OR4E2: variants seen among roughly 807,000 people sequenced by gnomAD.
OR4E2 encodes olfactory receptor family 4 subfamily E member 2.
Under a neutral mutation model 11.0 loss-of-function variants are expected in OR4E2, and 9 were observed. The ratio of observed to expected loss-of-function variants is 0.82; its 90% CI spans 0.49 to 1.43. The LOEUF (loss-of-function observed/expected upper bound fraction) is 1.43, where lower values mean the gene tolerates loss of function less well. Among genes scored for constraint, OR4E2 ranks in the 40% most tolerant of loss-of-function variants. The pLI is 0.00. For missense variants in OR4E2, 441 were observed against 382.0 expected (o/e 1.15, Z -1.29); for synonymous variants, 159 against 147.3 (o/e 1.08, Z -0.57).
chr14:21,660,388 CA>C (rs1412467551), intron 2 of OR4E2, among the ~76,000 whole-genome samples: 5 of 152,140 alleles, frequency 3.3e-5, no homozygotes, highest in African/African-American at 1.2e-4. Flanking sequence ...GAAGAGATTC[CA>C]AACAGAGGAA....
intron 2 of OR4E2, among the ~76,000 whole-genome samples, chr14:21,658,487 C>G (rs756929197): frequency 3.9e-5 from 6 of 152,180 alleles, no homozygotes; most frequent in Non-Finnish European, 7.3e-5. Flanking sequence ...CTAAGTAACA[C>G]TTCTCTAAGT....
At chr14:21,663,630 TTGAAATAGTCAAAGACAAAG>T (rs1880460397) in intron 3 of OR4E2, among the ~76,000 whole-genome samples, 1 of 152,184 alleles carries the variant, frequency 6.6e-6, no homozygotes, top group Non-Finnish European at 1.5e-5. Context: ...GTAGTGTTCT[TTGAAATAGTCAAAGACAAAG>T]TGAAGGATGA....
At chr14:21,663,312 T>C (rs1047000435) in intron 3 of OR4E2, among the ~76,000 whole-genome samples, 6 of 152,054 alleles carry the variant, frequency 3.9e-5, no homozygotes, top group Non-Finnish European at 7.4e-5. Flanking sequence ...ACCCCGTCTC[T>C]ACTAAAAATA....
intron 1 of OR4E2, among the ~76,000 whole-genome samples, chr14:21,654,366 GCA>G (rs148674026): frequency 6.0e-5 from 9 of 148,770 alleles, no homozygotes; most frequent in Non-Finnish European, 8.9e-5. Flanking sequence ...ACACATGCAC[GCA>G]CACACACACA....
At chr14:21,654,597 T>C (rs935011274) in intron 1 of OR4E2, among the ~76,000 whole-genome samples, 3 of 152,110 alleles carry the variant, frequency 2.0e-5, no homozygotes, top group Non-Finnish European at 4.4e-5. Context: ...ATATACTAAG[T>C]TGACCCTCCA....
chr14:21,661,764 GT>G (rs1316039673), intron 3 of OR4E2, among the ~76,000 whole-genome samples: 13 of 152,262 alleles, frequency 8.5e-5, no homozygotes, highest in African/African-American at 3.1e-4. Context: ...ACTAAAATGT[GT>G]TTATCTAGTC....
At position 21,665,938 on chromosome 14, in the gene OR4E2, A is replaced by C. The variant is rs769225622; in HGVS notation, c.856A>C (p.Ile286Leu). 5 of 1,613,780 alleles carry C rather than the reference A, an allele frequency of 3.1e-6. No individual in the cohort carries two copies. The highest frequency in any genetic ancestry group is 3.4e-6 in the Non-Finnish European group (4 of 1,179,918). Residue 286 changes from isoleucine (I) to leucine (L), a missense_variant, in exon 4 of 4, where the codon ATT (isoleucine) becomes CTT (leucine). Physicochemically the swap from Ile to Leu is conservative, Grantham distance 5. Transcript: ENST00000641524. ...TVVTPLLNPF[I>L]YTLRNEEVKS... ...GGTCACCCCTTTGCTGAATCCCTTC[A>C]TTTACACCTTGAGGAATGAGGAGGT...
chr14:21,658,830 T>C (rs1413995357), intron 2 of OR4E2, among the ~76,000 whole-genome samples: 3 of 152,004 alleles, frequency 2.0e-5, no homozygotes, highest in Admixed American at 2.0e-4. Flanking sequence ...AAATGAAGAA[T>C]TCTAATATAC....
rs749695927 is a variant in OR4E2 at position 21,665,070 on chromosome 14, CT to C, written c.-8-4del. On this transcript the variant is annotated splice_polypyrimidine_tract_variant and splice_region_variant and intron_variant, in intron 3 of 3. Coordinates refer to ENST00000641524, the MANE Select transcript of OR4E2 (RefSeq NM_001001912.3). ...TAAATTAGCTTTCATTTTTTCCCCC[CT>C]AAGCTCATTGAATGGACAGTCTAAA... The C allele has an allele frequency of 1.2e-5, 18 of 1,497,440 alleles. No homozygotes were observed. The highest frequency in any genetic ancestry group is 9.5e-5 in the South Asian group (8 of 83,902). 92.8% of individuals were successfully genotyped at this position (1,497,440 alleles called of 1,614,324 possible). A position where few individuals can be genotyped will look rare whatever the true frequency, so the allele number is the denominator to read the frequency against.
At chr14:21,658,652 C>T (rs1035981655) in intron 2 of OR4E2, among the ~76,000 whole-genome samples, 1 of 152,044 alleles carries the variant, frequency 6.6e-6, no homozygotes, top group African/African-American at 2.4e-5. Flanking sequence ...TCACTGATCT[C>T]TGGAAAGTCA....
chr14:21,657,470 TC>T (rs1880055373), intron 2 of OR4E2, among the ~76,000 whole-genome samples: 4 of 114,860 alleles, frequency 3.5e-5, no homozygotes, highest in African/African-American at 1.3e-4. Context: ...CTTCCTTCCT[TC>T]CTTCCTTCCT....
chr14:21,660,319 G>A (rs150387828), intron 2 of OR4E2, among the ~76,000 whole-genome samples: 137 of 152,336 alleles, frequency 9.0e-4, no homozygotes, highest in African/African-American at 3.1e-3. Flanking sequence ...CTGCTGTGCA[G>A]CCTGGTACCC....
intron 2 of OR4E2, among the ~76,000 whole-genome samples, chr14:21,659,455 A>C (rs1257678607): frequency 1.3e-5 from 2 of 152,188 alleles, no homozygotes; most frequent in Non-Finnish European, 2.9e-5. Context: ...CAGGGAGTGC[A>C]TAGTTGGATC....
chr14:21,659,914 G>C (rs141284218), intron 2 of OR4E2, among the ~76,000 whole-genome samples: 222 of 151,924 alleles, frequency 1.5e-3, no homozygotes, highest in African/African-American at 5.1e-3. Context: ...AATAAAAAAG[G>C]TAGATCAGGA....
rs117160086 is a variant in OR4E2, at chr14:21,656,848, C to T, written c.-103+259C>T. Reference sequence around the variant, plus strand: ...CACACACAGACAAAACACACATACGCACACCCTCCAGGATTCCTCAAGATG... The same window carrying T: ...CACACACAGACAAAACACACATACGTACACCCTCCAGGATTCCTCAAGATG... On this transcript the variant is annotated intron_variant, in intron 2 of 3. Coordinates refer to ENST00000641524, the MANE Select transcript of OR4E2 (RefSeq NM_001001912.3). Among the ~76,000 whole-genome samples, 1,440 of 152,326 alleles carry T rather than the reference C, an allele frequency of 9.5e-3. 11 individuals are homozygous for T. Among genetic ancestry groups the T allele is most frequent in the Middle Eastern group, 0.024 (7 of 294 alleles).
At chr14:21,663,268 A>G (rs1280105936) in intron 3 of OR4E2, among the ~76,000 whole-genome samples, 1 of 152,146 alleles carries the variant, frequency 6.6e-6, no homozygotes, top group African/African-American at 2.4e-5. Context: ...TCACGAGGTC[A>G]GGAGATTGAG....
chr14:21,666,200 A>G lies in OR4E2; in HGVS notation c.*176A>G. On this transcript the variant is annotated 3_prime_UTR_variant, in exon 4 of 4. Coordinates refer to ENST00000641524, the MANE Select transcript of OR4E2 (RefSeq NM_001001912.3). ...TGTTCATTAAAGATAAGAACTTATT[A>G]ACTATTATTTAAATAAAGCAAAAGA... 1 of 501,424 alleles carries G rather than the reference A, an allele frequency of 2.0e-6. No homozygotes were observed. The highest frequency in any genetic ancestry group is 3.5e-6 in the Non-Finnish European group (1 of 286,318). 31.1% of individuals were successfully genotyped at this position (501,424 alleles called of 1,614,324 possible).
At chr14:21,660,109 C>T (rs1880234880) in intron 2 of OR4E2, among the ~76,000 whole-genome samples, 1 of 151,932 alleles carries the variant, frequency 6.6e-6, no homozygotes. Context: ...CAAATTTTTC[C>T]ATGGACTGGG....
intron 2 of OR4E2, among the ~76,000 whole-genome samples, chr14:21,658,459 T>A (rs931109123): frequency 6.6e-6 from 1 of 152,216 alleles, no homozygotes; most frequent in African/African-American, 2.4e-5. Flanking sequence ...ATGTTCCTCT[T>A]GGCAAAAGGA....
Sources: allele counts gnomAD v4.1 joint callset (sites outside exome capture counted in the v4.1 genomes callset), GRCh38; gene constraint gnomAD v4.1.1; transcripts MANE v1.5; gene names NCBI Gene and HGNC (gene_info 2026-07-23, HGNC 2026-07-21).